SPACA6: variants seen among roughly 807,000 people sequenced by gnomAD.
The protein encoded by SPACA6 is sperm acrosome membrane-associated protein 6.
For missense variants in SPACA6, 8 were observed against 2.8 expected, an observed-to-expected ratio of 2.88 and a Z score of -1.34; for synonymous variants, 6 against 1.5, an observed-to-expected ratio of 4.05 and a Z score of -2.21.
upstream of SPACA6, chr19:51,686,484 G>C (rs2083328846): frequency 6.6e-6 from 1 of 152,178 alleles, no homozygotes; most frequent in Non-Finnish European, 1.5e-5. Flanking sequence ...AGGGCATCCA[G>C]GGTGAATGTA....
At chr19:51,702,457 C>T in intron 3 of SPACA6, 172 bp from the exon 4 acceptor site, 1 of 392,922 alleles carries the variant, frequency 2.5e-6, no homozygotes, top group Non-Finnish European at 4.5e-6. Context: ...TCAGGCTTGG[C>T]CCCGGCCCCA....
At chr19:51,687,064 C>G (rs1165414639), upstream of SPACA6, 1 of 152,068 alleles carries the variant, frequency 6.6e-6, no homozygotes, top group Non-Finnish European at 1.5e-5. Context: ...AAGTTCAAGA[C>G]CAGTCCAGCA....
downstream of SPACA6, among the ~76,000 whole-genome samples, chr19:51,707,247 G>C (rs558710223): frequency 2.5e-5 from 2 of 81,466 alleles, 1 homozygote; most frequent in Non-Finnish European, 5.4e-5. Context: ...TTTTTTTTTT[G>C]TTTTGTTTGA....
rs2083483834 is a variant in SPACA6, at chr19:51,703,218, C to G, written c.464-10C>G. ...CGGGGCCCAGCGAGTGAACCCTGCT[C>G]CGTCTTCAGTTCAGGATGTGACAGT... is the stretch of plus-strand genomic sequence containing the variant. On this transcript the variant is annotated splice_polypyrimidine_tract_variant and intron_variant, in intron 5 of 8. Transcript: ENST00000637797. The surrounding 1 kb of genome is among the most constrained non-coding windows in gnomAD (Gnocchi z 4.2). 1 of 399,324 alleles carries G rather than the reference C, an allele frequency of 2.5e-6. No homozygotes were observed. The highest frequency in any genetic ancestry group is 4.4e-6 in the Non-Finnish European group (1 of 226,164). The allele number at this position is 399,324 out of a possible 1,614,324, so 24.7% of individuals were successfully genotyped here. A position where few individuals can be genotyped will look rare whatever the true frequency, so the allele number is the denominator to read the frequency against.
At chr19:51,712,634 C>G (rs1231611523), downstream of SPACA6, among the ~76,000 whole-genome samples, 1 of 152,164 alleles carries the variant, frequency 6.6e-6, no homozygotes, top group Non-Finnish European at 1.5e-5. Context: ...GGAGCACAGA[C>G]AGGTCACCCT....
the SPACA6 span, among the ~76,000 whole-genome samples, chr19:51,682,814 G>A: frequency 6.6e-5 from 10 of 152,258 alleles, no homozygotes; most frequent in East Asian, 1.9e-4. Flanking sequence ...GACTGAGGGC[G>A]GGCAGATCAC....
At chr19:51,693,091 C>G (rs1005445764), upstream of SPACA6, 24 of 366,016 alleles carry the variant, frequency 6.6e-5, no homozygotes, top group African/African-American at 4.0e-4. Context: ...TCCTCTGACT[C>G]CCTCTTATTC....
downstream of SPACA6, chr19:51,705,387 C>A: frequency 3.0e-6 from 1 of 328,910 alleles, no homozygotes; most frequent in East Asian, 4.6e-5. Context: ...AGAAGGCACC[C>A]TCAAATAGAG....
rs941170688 is a variant in SPACA6 at position 51,693,562 on chromosome 19, T to G, written c.36T>G (p.Ser12=). The G allele has an allele frequency of 8.9e-6, 4 of 451,480 alleles. No homozygotes were observed. The highest frequency in any genetic ancestry group is 1.6e-5 in the Non-Finnish European group (4 of 249,478). 28.0% of individuals were successfully genotyped at this position (451,480 alleles called of 1,614,324 possible). A position where few individuals can be genotyped will look rare whatever the true frequency, so the allele number is the denominator to read the frequency against. The change falls in exon 1 of 9, where the codon TCT becomes TCG. Residue 12 remains serine, a synonymous_variant. Coordinates refer to ENST00000637797, the MANE Select transcript of SPACA6 (RefSeq NM_001316972.2). The part of the protein sequence containing the change: ...ALLALASAVP[S]ALLALAVFRV... ...TGGCTCTGGCCAGTGCCGTCCCGTC[T>G]GCCCTGCTGGCCCTGGCTGTCTTCA...
chr19:51,709,422 C>T (rs1860680210), downstream of SPACA6, among the ~76,000 whole-genome samples: 1 of 148,618 alleles, frequency 6.7e-6, no homozygotes, highest in Non-Finnish European at 1.5e-5. Flanking sequence ...GAGGTTGAGG[C>T]AGGAGAACTG....
Position 51,703,658 on chromosome 19 carries a change from G to A in SPACA6, c.573+321G>A, listed in dbSNP as rs185442420. Among the ~76,000 whole-genome samples the A allele has an allele frequency of 7.2e-5, 11 of 152,284 alleles. No individual in the cohort carries two copies. The highest frequency in any genetic ancestry group is 5.8e-4 in the East Asian group (3 of 5,162). On this transcript the variant is annotated intron_variant, in intron 6 of 8. Transcript: ENST00000637797. This position sits in a 1 kb window ranked among gnomAD's most constrained non-coding sequence, Gnocchi z 4.2. The stretch of plus-strand genomic sequence containing the variant: ...CCAAAAAATTTTAAAAACAGCCGGG[G>A]CGTGGTGGTGCACGCCTATAGTCCC...
downstream of SPACA6, among the ~76,000 whole-genome samples, chr19:51,707,230 C>CT (rs57130350): frequency 4.7e-3 from 669 of 141,206 alleles, 7 homozygotes; most frequent in East Asian, 0.034. Context: ...CTCTCTCTCC[C>CT]TTTTTTTTTT....
At position 51,701,736 on chromosome 19, in the gene SPACA6, ACTCCAT is replaced by A. The variant is rs1031929385; in HGVS notation, c.361+14_361+19del. 1.2e-4 allele frequency: 48 copies of A among 398,426 alleles called. No homozygotes were observed. Among genetic ancestry groups the A allele is most frequent in the Admixed American group, 8.4e-4 (19 of 22,690 alleles). 24.7% of individuals were successfully genotyped at this position (398,426 alleles called of 1,614,324 possible). A position where few individuals can be genotyped will look rare whatever the true frequency, so the allele number is the denominator to read the frequency against. ...ACACAGCTTAAAGAAGGTAAAATACACTCCATCTCTCCTTCCCCAGACACACACACA... is the reference window on the plus strand; with the variant it reads ...ACACAGCTTAAAGAAGGTAAAATACACTCTCCTTCCCCAGACACACACACA... On this transcript the variant is annotated intron_variant, in intron 3 of 8. Transcript: ENST00000637797.
chr19:51,705,872 T>C (rs918762742), downstream of SPACA6, among the ~76,000 whole-genome samples: 2 of 152,198 alleles, frequency 1.3e-5, no homozygotes, highest in African/African-American at 4.8e-5. Context: ...AATTTTTGTA[T>C]TTTTAGTAGA....
intron 1 of SPACA6, 189 bp from the exon 2 acceptor site, chr19:51,694,278 CGACTGGTCGGG>C (rs1235153040): frequency 3.4e-6 from 1 of 295,210 alleles, no homozygotes; most frequent in Non-Finnish European, 6.1e-6. Flanking sequence ...AGCAGGATAG[CGACTGGTCGGG>C]GGCAGAGACT....
chr19:51,684,171 T>C (rs529448739), upstream of SPACA6, among the ~76,000 whole-genome samples: 1 of 152,266 alleles, frequency 6.6e-6, no homozygotes, highest in South Asian at 2.1e-4. Context: ...TGGACATTCT[T>C]GTCAGAGTCA....
chr19:51,685,244 A>T (rs1420204264), upstream of SPACA6: 1 of 152,146 alleles, frequency 6.6e-6, no homozygotes, highest in African/African-American at 2.4e-5. Context: ...AGTTGATGAG[A>T]ATGGTGGCCC....
downstream of SPACA6, among the ~76,000 whole-genome samples, chr19:51,706,671 T>A (rs943468193): frequency 2.4e-5 from 3 of 123,688 alleles, no homozygotes; most frequent in African/African-American, 1.0e-4. Context: ...ATGTTAACTC[T>A]TTTTTTTTTT....
At chr19:51,711,663 TA>T (rs1262008434) in intron 2 of SPACA6, among the ~76,000 whole-genome samples, 2 of 151,992 alleles carry the variant, frequency 1.3e-5, no homozygotes, top group African/African-American at 4.8e-5. Context: ...GATAAATACA[TA>T]AACACAATGC....
Sources: allele counts gnomAD v4.1 joint callset (sites outside exome capture counted in the v4.1 genomes callset), GRCh38; gene constraint gnomAD v4.1.1; non-coding constraint Gnocchi (gnomAD v3.1); transcripts MANE v1.5; gene names NCBI Gene and HGNC (gene_info 2026-07-23, HGNC 2026-07-21).